Variants in ZNF277 observed in about 807,000 individuals in gnomAD.
ZNF277 encodes zinc finger protein 277.
A neutral mutation model predicts 60.7 loss-of-function variants in ZNF277; 55 were observed. That is an observed-to-expected ratio of 0.91 (90% CI 0.73 to 1.13). The LOEUF (loss-of-function observed/expected upper bound fraction) is 1.13. Ranked by LOEUF, ZNF277 falls within the 50% of genes most tolerant of loss-of-function variation. The probability of loss-of-function intolerance (pLI) is 0.00; values close to 1 mark genes in which losing one functional copy is unlikely to be tolerated. For missense variants in ZNF277, 510 were observed against 523.0 expected (o/e 0.98, Z 0.24); for synonymous variants, 178 against 179.3 (o/e 0.99, Z 0.06).
intron 1 of ZNF277, among the ~76,000 whole-genome samples, chr7:112,284,856 C>T (rs1457624942): frequency 6.6e-6 from 1 of 151,920 alleles, no homozygotes; most frequent in Non-Finnish European, 1.5e-5. Context: ...TGCTGTAAAC[C>T]CTGTACATTC....
intron 1 of ZNF277, among the ~76,000 whole-genome samples, chr7:112,208,674 ATTTTTT>A (rs869082099): frequency 8.2e-5 from 6 of 72,806 alleles, no homozygotes; most frequent in East Asian, 4.9e-4. Flanking sequence ...GTATGATTTG[ATTTTTT>A]TTTTTTTTTT....
chr7:112,318,036 AC>A (rs1296769759), intron 4 of ZNF277, 145 bp from the exon 5 acceptor site: 1 of 624,030 alleles, frequency 1.6e-6, no homozygotes, highest in Non-Finnish European at 2.8e-6. Flanking sequence ...TAATGCAAAA[AC>A]AGGAATGGAG....
At chr7:112,275,921 A>G (rs1014471090) in intron 1 of ZNF277, among the ~76,000 whole-genome samples, 10 of 152,222 alleles carry the variant, frequency 6.6e-5, no homozygotes, top group African/African-American at 2.4e-4. Context: ...AAACTAAGAA[A>G]TGCCACACGG....
At chr7:112,287,334 C>A in intron 2 of ZNF277, 1 of 406,808 alleles carries the variant, frequency 2.5e-6, no homozygotes, top group Non-Finnish European at 4.4e-6. Context: ...ATGGTTATAC[C>A]ATTGCACTCC....
At chr7:112,221,104 G>A (rs1822017680) in intron 1 of ZNF277, among the ~76,000 whole-genome samples, 1 of 152,190 alleles carries the variant, frequency 6.6e-6, no homozygotes, top group African/African-American at 2.4e-5. Flanking sequence ...CCAGCAGGGT[G>A]TCTGCTGGGC....
intron 7 of ZNF277, among the ~76,000 whole-genome samples, chr7:112,331,467 A>G (rs890317089): frequency 7.2e-5 from 11 of 152,226 alleles, no homozygotes; most frequent in African/African-American, 2.7e-4. Flanking sequence ...TGGTCACAAA[A>G]GGCTAATTGA....
intron 11 of ZNF277, among the ~76,000 whole-genome samples, chr7:112,341,990 G>C (rs1439024065): frequency 3.6e-5 from 5 of 137,774 alleles, no homozygotes; most frequent in Non-Finnish European, 1.5e-5. Flanking sequence ...TTTATATTCC[G>C]TAAGTGTTTC....
intron 4 of ZNF277, among the ~76,000 whole-genome samples, chr7:112,302,443 A>G (rs979933986): frequency 1.3e-5 from 2 of 152,126 alleles, no homozygotes; most frequent in African/African-American, 4.8e-5. Flanking sequence ...CATAATTCCT[A>G]TCTTTCAGGC....
At chr7:112,270,417 C>T (rs1791642078) in intron 1 of ZNF277, among the ~76,000 whole-genome samples, 2 of 152,040 alleles carry the variant, frequency 1.3e-5, no homozygotes, top group South Asian at 4.1e-4. Flanking sequence ...TTAGAATTTT[C>T]AGGAGTTGTG....
In ZNF277 at chr7:112,296,308, A is replaced by G. The variant is rs1410608791; in HGVS notation, c.462A>G (p.Arg154=). The G allele has an allele frequency of 1.3e-6, 2 of 1,557,892 alleles. No homozygotes were observed. The highest frequency in any genetic ancestry group is 3.8e-5 in the Admixed American group (2 of 52,872). Residue 154 remains arginine, a synonymous_variant, in exon 4 of 12, where the codon AGA becomes AGG. Transcript: ENST00000361822. ...RILREELQKQ[R]LREILEQQQQ... is the part of the protein sequence containing the mutation. ...TTAGAGAAGAGCTTCAGAAACAGAG[A>G]CTGGTAAGAATTGTTTTTAAAGGGT...
rs182764485 is a variant in ZNF277 at position 112,320,418 on chromosome 7, C to T, written c.557+2145C>T. 1.4e-3 allele frequency among the ~76,000 whole-genome samples: 216 copies of T among 152,136 alleles called. 2 individuals carry two copies. The highest frequency in any genetic ancestry group is 5.1e-3 in the African/African-American group (212 of 41,532). Reference sequence around the variant, plus strand: ...TTCTTTTCATTTATGAAAAGCTCAGCCTGTAAGATTAAAGACACAACTTGA... The same window carrying T: ...TTCTTTTCATTTATGAAAAGCTCAGTCTGTAAGATTAAAGACACAACTTGA... On this transcript the variant is annotated intron_variant, in intron 5 of 11. Coordinates refer to ENST00000361822, the MANE Select transcript of ZNF277 (RefSeq NM_021994.3).
At chr7:112,331,679 T>A (rs958459368) in intron 7 of ZNF277, among the ~76,000 whole-genome samples, 1 of 152,196 alleles carries the variant, frequency 6.6e-6, no homozygotes, top group Admixed American at 6.5e-5. Context: ...TACAACCAGC[T>A]AAAGGCAAAC....
intron 1 of ZNF277, among the ~76,000 whole-genome samples, chr7:112,218,202 A>G (rs1426773520): frequency 6.6e-6 from 1 of 152,232 alleles, no homozygotes; most frequent in Non-Finnish European, 1.5e-5. Flanking sequence ...GAAACTTTGA[A>G]GAAAAGGAAT....
At chr7:112,230,304 A>AGGGGC (rs1276930872) in intron 1 of ZNF277, among the ~76,000 whole-genome samples, 3 of 152,234 alleles carry the variant, frequency 2.0e-5, no homozygotes, top group Non-Finnish European at 4.4e-5. Flanking sequence ...GAATGGATAT[A>AGGGGC]GGGGCAGGGC....
At chr7:112,246,941 G>T (rs957445136) in intron 1 of ZNF277, among the ~76,000 whole-genome samples, 1 of 152,190 alleles carries the variant, frequency 6.6e-6, no homozygotes, top group African/African-American at 2.4e-5. Flanking sequence ...TGAGACTGCA[G>T]TCATGCCCTG....
chr7:112,241,247 G>A (rs1347150863), intron 1 of ZNF277, among the ~76,000 whole-genome samples: 3 of 151,934 alleles, frequency 2.0e-5, no homozygotes, highest in Admixed American at 2.0e-4. Flanking sequence ...GCTGAACCAG[G>A]TATATGAAAA....
chr7:112,305,159 A>T (rs538301409), intron 4 of ZNF277, among the ~76,000 whole-genome samples: 2 of 152,260 alleles, frequency 1.3e-5, no homozygotes, highest in East Asian at 3.9e-4. Context: ...TGGGAGGCTG[A>T]GGCGAGAGAA....
intron 2 of ZNF277, 99 bp downstream of exon 2, chr7:112,287,173 A>T: frequency 8.0e-7 from 1 of 1,253,066 alleles, no homozygotes; most frequent in Middle Eastern, 2.6e-4. Flanking sequence ...TGGGAGGATC[A>T]CCCGAGGCCA....
intron 1 of ZNF277, among the ~76,000 whole-genome samples, chr7:112,270,658 A>G: frequency 6.6e-6 from 1 of 152,256 alleles, no homozygotes; most frequent in African/African-American, 2.4e-5. Context: ...TTCTTTTTTT[A>G]TCAGGTATCT....
Sources: allele counts gnomAD v4.1 joint callset (sites outside exome capture counted in the v4.1 genomes callset), GRCh38; gene constraint gnomAD v4.1.1; transcripts MANE v1.5; gene names NCBI Gene and HGNC (gene_info 2026-07-23, HGNC 2026-07-21).